Variants in NT5DC3 observed in about 807,000 individuals in gnomAD.
NT5DC3 encodes the protein 5'-nucleotidase domain-containing protein 3.
Under a neutral mutation model 67.8 loss-of-function variants are expected in NT5DC3, and 42 were observed. The ratio of observed to expected loss-of-function variants is 0.62; its 90% CI spans 0.48 to 0.80. The LOEUF (loss-of-function observed/expected upper bound fraction) is 0.80. Among genes scored for constraint, NT5DC3 ranks in the 30% least tolerant of loss-of-function variants. The probability of loss-of-function intolerance (pLI) is 0.00; values close to 1 mark genes in which losing one functional copy is unlikely to be tolerated. For missense variants in NT5DC3, 570 were observed against 696.4 expected (o/e 0.82, Z 2.04); for synonymous variants, 237 against 255.6 (o/e 0.93, Z 0.69).
chr12:103,787,258 T>TAA (rs60157729), intron 11 of NT5DC3, among the ~76,000 whole-genome samples, 183 bp downstream of exon 11: 52 of 143,580 alleles, frequency 3.6e-4, no homozygotes, highest in South Asian at 2.8e-3. Flanking sequence ...CCTGTTCTGT[T>TAA]AAAAAAAAAA....
chr12:103,753,905 GAA>G, the NT5DC3 span, among the ~76,000 whole-genome samples: 1 of 152,068 alleles, frequency 6.6e-6, no homozygotes, highest in Non-Finnish European at 1.5e-5. Flanking sequence ...ACTGTGAAAA[GAA>G]AAAAGAGACT....
At chr12:103,758,436 G>A in the NT5DC3 span, 1 of 1,368,654 alleles carries the variant, frequency 7.3e-7, no homozygotes, top group Non-Finnish European at 9.9e-7. Flanking sequence ...CACTCCCTTG[G>A]TCTTGGCACA....
At chr12:103,746,564 G>A in the NT5DC3 span, 1 of 1,602,462 alleles carries the variant, frequency 6.2e-7, no homozygotes, top group South Asian at 1.1e-5. Context: ...TCACACCATG[G>A]GTACAGAATG....
intron 1 of NT5DC3, among the ~76,000 whole-genome samples, chr12:103,833,094 C>T (rs1195320566): frequency 6.6e-6 from 1 of 152,124 alleles, no homozygotes; most frequent in Non-Finnish European, 1.5e-5. Context: ...ATTATAACTT[C>T]CCAAGTATAT....
At chr12:103,828,606 C>T (rs1411944753) in intron 1 of NT5DC3, among the ~76,000 whole-genome samples, 3 of 152,124 alleles carry the variant, frequency 2.0e-5, no homozygotes, top group East Asian at 1.9e-4. Context: ...GATATAAAAT[C>T]CCTTCCACCC....
intron 1 of NT5DC3, among the ~76,000 whole-genome samples, chr12:103,834,327 C>T (rs927685856): frequency 1.3e-5 from 2 of 152,076 alleles, no homozygotes; most frequent in African/African-American, 4.8e-5. Flanking sequence ...CCAAAAATCC[C>T]AAGTTAAAAA....
At chr12:103,838,868 A>G (rs920858915) in intron 1 of NT5DC3, among the ~76,000 whole-genome samples, 3 of 152,244 alleles carry the variant, frequency 2.0e-5, no homozygotes, top group African/African-American at 7.2e-5. Context: ...AAGGTTACAT[A>G]CTGTATGACT....
intron 1 of NT5DC3, among the ~76,000 whole-genome samples, chr12:103,833,950 G>A (rs1424592153): frequency 6.6e-6 from 1 of 152,138 alleles, no homozygotes; most frequent in African/African-American, 2.4e-5. Context: ...ATCACACGAA[G>A]ATTTCTTAGA....
the NT5DC3 span, chr12:103,746,841 C>A: frequency 1.3e-6 from 1 of 772,806 alleles, no homozygotes; most frequent in Non-Finnish European, 2.2e-6. Context: ...CTCTATGACT[C>A]AGTTTCTTTA....
Position 103,788,895 on chromosome 12 carries a change from T to A in NT5DC3, c.1044A>T (p.Lys348Asn). The A allele has an allele frequency of 6.2e-7, 1 of 1,613,296 alleles. No homozygotes were observed. ...KRRPFRKMNE[K>N]GVLLWDKIHK... is the part of the protein sequence containing the mutation. ...GGATTTTATCCCAGAGTAAGACACC[T>A]TTCTCATTCATCTTTCGGAAAGGCC... Residue 348 changes from lysine to asparagine, a missense_variant, in exon 10 of 14, where the codon AAA becomes AAT. Lys to Asn is a moderately conservative substitution (Grantham distance 94). This residue lies in a region of NT5DC3 where 466 missense variants were observed against 608.0 expected (regional missense o/e 0.77). Coordinates refer to ENST00000392876, the MANE Select transcript of NT5DC3 (RefSeq NM_001031701.3).
At position 103,777,498 on chromosome 12, in the gene NT5DC3, C is replaced by A; in HGVS notation, c.*331G>T. 3.3e-6 allele frequency: 1 copy of A among 304,922 alleles called. No homozygotes were observed. Among genetic ancestry groups the A allele is most frequent in the Non-Finnish European group, 6.1e-6 (1 of 164,932 alleles). 18.9% of individuals were successfully genotyped at this position (304,922 alleles called of 1,614,324 possible). ...TCCATGGAGGAGTCAAGAACCGTTT[C>A]AAGCTTGACCTGCTAGAATACAGAC... On this transcript the variant is annotated 3_prime_UTR_variant, in exon 14 of 14. Coordinates refer to ENST00000392876, the MANE Select transcript of NT5DC3 (RefSeq NM_001031701.3).
At chr12:103,793,915 C>T (rs1224960027) in intron 7 of NT5DC3, 22 bp downstream of exon 7, 6 of 1,588,386 alleles carry the variant, frequency 3.8e-6, no homozygotes, top group South Asian at 3.3e-5. Context: ...AAACTCTCTT[C>T]GTGATACTGC....
Position 103,777,295 on chromosome 12 carries a change from A to C in NT5DC3, c.*534T>G, listed in dbSNP as rs1593377862. ...TTGATGTGATGTGCCAGAATGTCAA[A>C]GCCTTAGTACCAAATGATTTGGGAA... On this transcript the variant is annotated 3_prime_UTR_variant, in exon 14 of 14. Transcript: ENST00000392876. 6.5e-6 allele frequency: 1 copy of C among 154,796 alleles called. No individual in the cohort carries two copies. The highest frequency in any genetic ancestry group is 1.9e-4 in the East Asian group (1 of 5,220). 9.6% of individuals were successfully genotyped at this position (154,796 alleles called of 1,614,324 possible). A position where few individuals can be genotyped will look rare whatever the true frequency, so the allele number is the denominator to read the frequency against.
At chr12:103,831,612 T>C (rs573490518) in intron 1 of NT5DC3, among the ~76,000 whole-genome samples, 87 of 152,218 alleles carry the variant, frequency 5.7e-4, no homozygotes, top group African/African-American at 2.1e-3. Flanking sequence ...GGAAGCACTC[T>C]GTGGCCACCA....
intron 9 of NT5DC3, among the ~76,000 whole-genome samples, chr12:103,789,231 C>T (rs1203503813): frequency 6.6e-6 from 1 of 152,130 alleles, no homozygotes; most frequent in Non-Finnish European, 1.5e-5. Flanking sequence ...CGAGATCAGC[C>T]TGGCCAACAT....
chr12:103,835,549 T>A (rs1191120636), intron 1 of NT5DC3, among the ~76,000 whole-genome samples: 1 of 152,198 alleles, frequency 6.6e-6, no homozygotes, highest in Non-Finnish European at 1.5e-5. Flanking sequence ...ACCGCCCTAA[T>A]CACAAGGAGA....
the NT5DC3 span, among the ~76,000 whole-genome samples, chr12:103,747,551 A>G: frequency 7.8e-6 from 1 of 127,928 alleles, no homozygotes; most frequent in Non-Finnish European, 1.7e-5. Flanking sequence ...CCCTTTAAGA[A>G]TGCAAACTAG....
rs1455326196 is a variant in NT5DC3, at chr12:103,806,814, A to G, written c.468+41T>C. 3.3e-6 allele frequency: 4 copies of G among 1,228,784 alleles called. No individual in the cohort carries two copies. In the African/African-American group the frequency reaches 6.0e-5, roughly 18 times the overall value. 76.1% of individuals were successfully genotyped at this position (1,228,784 alleles called of 1,614,324 possible). ...GTACCAACAGTACATTTCATTTCCA[A>G]ACATCATTAAACCATAGAAAAACAG... On this transcript the variant is annotated intron_variant, in intron 3 of 13. Transcript: ENST00000392876.
At chr12:103,789,102 A>C in intron 9 of NT5DC3, 183 bp from the exon 10 acceptor site, 1 of 581,864 alleles carries the variant, frequency 1.7e-6, no homozygotes, top group African/African-American at 1.9e-5. Context: ...TGTGAAGCCC[A>C]GTATCCAAAG....
Sources: gnomAD v4.1 joint callset for allele counts (sites outside exome capture counted in the v4.1 genomes callset) on GRCh38, gnomAD v4.1.1 for gene constraint, gnomAD v4.1.1 regional missense constraint, MANE v1.5 for transcripts, NCBI Gene and HGNC (gene_info 2026-07-23, HGNC 2026-07-21) for gene names.